The following NFIX variants were observed in gnomAD, a reference collection of about 807,000 sequenced individuals.
The protein encoded by NFIX is nuclear factor 1 X-type.
Under a neutral mutation model 53.3 loss-of-function variants are expected in NFIX, and 2 were observed. The observed-to-expected ratio is 0.04, with a 90% CI of 0.02 to 0.12. The LOEUF (loss-of-function observed/expected upper bound fraction) is 0.12. Ranked by LOEUF, NFIX falls within the 10% of genes least tolerant of loss-of-function variation. The pLI, the probability that NFIX is intolerant of heterozygous loss-of-function variation, is 1.00. For missense variants in NFIX, 310 were observed against 674.5 expected (o/e 0.46, Z 5.99); for synonymous variants, 244 against 289.0 (o/e 0.84, Z 1.58).
intron 2 of NFIX, among the ~76,000 whole-genome samples, chr19:13,047,778 G>A (rs765618762): frequency 1.3e-5 from 2 of 152,122 alleles, no homozygotes; most frequent in Non-Finnish European, 2.9e-5. Flanking sequence ...CTCTCTCCTG[G>A]CTTTCCATCT....
At position 13,079,959 on chromosome 19, in the gene NFIX, C is replaced by T. The variant is rs369200173; in HGVS notation, c.1078+1224C>T. On this transcript the variant is annotated intron_variant, in intron 7 of 10. Transcript: ENST00000592199. ...GCCTAGGTGGCGGTGGCTGGGTGCA[C>T]ACCAGCTCGCACTCAGGAGATGTGT... Among the ~76,000 whole-genome samples the T allele has an allele frequency of 3.8e-3, 575 of 152,326 alleles. 1 individual carries two copies. The highest frequency in any genetic ancestry group is 0.013 in the African/African-American group (548 of 41,578).
chr19:13,063,654 C>T (rs1003082027), intron 2 of NFIX, among the ~76,000 whole-genome samples: 1 of 152,122 alleles, frequency 6.6e-6, no homozygotes, highest in Admixed American at 6.5e-5. Context: ...CTCTCTCTCC[C>T]TTTCTCTCTA....
intron 1 of NFIX, among the ~76,000 whole-genome samples, chr19:13,000,225 A>C (rs1486505888): frequency 6.6e-6 from 1 of 152,034 alleles, no homozygotes; most frequent in African/African-American, 2.4e-5. Context: ...ATGGGCAAAA[A>C]CCAGTGTCTA....
rs1466895093 is a variant in NFIX, at chr19:13,067,846, C to A, written c.560-5201C>A. On this transcript the variant is annotated intron_variant, in intron 2 of 10. Coordinates refer to ENST00000592199, the MANE Select transcript of NFIX (RefSeq NM_001365902.3). The surrounding 1 kb of genome is among the most constrained non-coding windows in gnomAD (Gnocchi z 4.2). ...TGCATCCGGGCACGGTGGCTCACGCCTGTAATCCCAGCACTTTGGGAGGCT... is the reference window on the plus strand; with the variant it reads ...TGCATCCGGGCACGGTGGCTCACGCATGTAATCCCAGCACTTTGGGAGGCT... 3.3e-5 allele frequency among the ~76,000 whole-genome samples: 5 copies of A among 152,100 alleles called. No individual in the cohort carries two copies. The highest frequency in any genetic ancestry group is 1.2e-4 in the African/African-American group (5 of 41,394).
In NFIX at chr19:13,052,214, A is replaced by C. The variant is rs1290580190; in HGVS notation, c.560-20833A>C. On this transcript the variant is annotated intron_variant, in intron 2 of 10. Coordinates refer to ENST00000592199, the MANE Select transcript of NFIX (RefSeq NM_001365902.3). The surrounding 1 kb of genome is among the most constrained non-coding windows in gnomAD (Gnocchi z 5.2). ...GCAGGGCTCGTGAATCTGCATTTCCACCTAGTACCCAGGTGCTGTTGGTCC... is the reference window on the plus strand; with the variant it reads ...GCAGGGCTCGTGAATCTGCATTTCCCCCTAGTACCCAGGTGCTGTTGGTCC... Among the ~76,000 whole-genome samples the C allele has an allele frequency of 6.6e-6, 1 of 152,002 alleles. No individual in the cohort carries two copies. The highest frequency in any genetic ancestry group is 1.5e-5 in the Non-Finnish European group (1 of 67,970).
intron 2 of NFIX, chr19:13,070,977 T>G (rs926692548): frequency 1.3e-5 from 2 of 152,346 alleles, no homozygotes; most frequent in Non-Finnish European, 2.9e-5. Context: ...ACTTGCCATC[T>G]CCACTTGGTC....
In NFIX at chr19:13,002,123, C is replaced by A. The variant is rs2011738229; in HGVS notation, c.27+6259C>A. ...CAGGCAGGCCCTGGGCCCCACACCC[C>A]TGGGCCACCCGCCATCCCTCCGAGG... is the stretch of plus-strand genomic sequence containing the variant. On this transcript the variant is annotated intron_variant, in intron 1 of 10. Coordinates refer to ENST00000592199, the MANE Select transcript of NFIX (RefSeq NM_001365902.3). The surrounding 1 kb of genome is among the most constrained non-coding windows in gnomAD (Gnocchi z 6.1). Among the ~76,000 whole-genome samples, 1 of 152,096 alleles carries A rather than the reference C, an allele frequency of 6.6e-6. No individual in the cohort carries two copies. Among genetic ancestry groups the A allele is most frequent in the South Asian group, 2.1e-4 (1 of 4,826 alleles).
intron 5 of NFIX, among the ~76,000 whole-genome samples, chr19:13,075,022 A>G (rs1357566930): frequency 1.4e-5 from 2 of 142,918 alleles, no homozygotes; most frequent in Admixed American, 7.2e-5. Context: ...GTGAGCTGAG[A>G]TCACGCCACT....
In NFIX at chr19:13,027,625, C is replaced by T. The variant is rs192751783; in HGVS notation, c.559+2073C>T. The stretch of plus-strand genomic sequence containing the variant: ...GGATCCTTGTAGCTGAGTTGTTTCC[C>T]TGGCCTCTTTTATTTTAGGCCGAAT... On this transcript the variant is annotated intron_variant, in intron 2 of 10. Coordinates refer to ENST00000592199, the MANE Select transcript of NFIX (RefSeq NM_001365902.3). The surrounding 1 kb of genome is among the most constrained non-coding windows in gnomAD (Gnocchi z 4.3). 2.0e-5 allele frequency among the ~76,000 whole-genome samples: 3 copies of T among 152,308 alleles called. No individual in the cohort carries two copies. The highest frequency in any genetic ancestry group is 7.2e-5 in the African/African-American group (3 of 41,556).
intron 1 of NFIX, among the ~76,000 whole-genome samples, chr19:13,020,231 T>C (rs2012896141): frequency 6.6e-6 from 1 of 152,178 alleles, no homozygotes; most frequent in African/African-American, 2.4e-5. Flanking sequence ...CTCCACTCTT[T>C]AACAAAAGGG....
rs1368251589 is a variant in NFIX, at chr19:13,025,413, C to A, written c.420C>A (p.Ile140=). The part of the protein sequence containing the change: ...DLVMVILFKG[I]PLESTDGERL... ...TCATGGTGATTTTGTTTAAGGGGATCCCCCTGGAAAGTACTGATGGGGAGC... is the reference window on the plus strand; with the variant it reads ...TCATGGTGATTTTGTTTAAGGGGATACCCCTGGAAAGTACTGATGGGGAGC... The change falls in exon 2 of 11, where the codon ATC becomes ATA. Residue 140 remains isoleucine, a synonymous_variant. Coordinates refer to ENST00000592199, the MANE Select transcript of NFIX (RefSeq NM_001365902.3). This position sits in a 1 kb window ranked among gnomAD's most constrained non-coding sequence, Gnocchi z 7.5. 6.2e-7 allele frequency: 1 copy of A among 1,614,042 alleles called. No individual in the cohort carries two copies. Among genetic ancestry groups the A allele is most frequent in the South Asian group, 1.1e-5 (1 of 91,070 alleles).
chr19:13,021,418 G>A lies in NFIX; in HGVS notation c.28-3603G>A, dbSNP rs2012949348. 1.3e-5 allele frequency among the ~76,000 whole-genome samples: 2 copies of A among 152,114 alleles called. No homozygotes were observed. Among genetic ancestry groups the A allele is most frequent in the Admixed American group, 6.5e-5 (1 of 15,282 alleles). ...TTGTCAGGGTTCAGCGCCAGCCCAG[G>A]GCTGGATGTTTTATTTTGGCATGCC... On this transcript the variant is annotated intron_variant, in intron 1 of 10. Coordinates refer to ENST00000592199, the MANE Select transcript of NFIX (RefSeq NM_001365902.3). This position sits in a 1 kb window ranked among gnomAD's most constrained non-coding sequence, Gnocchi z 4.2.
At chr19:13,092,523 G>C (rs779797273) in intron 10 of NFIX, among the ~76,000 whole-genome samples, 1 of 152,252 alleles carries the variant, frequency 6.6e-6, no homozygotes, top group Non-Finnish European at 1.5e-5. Flanking sequence ...GCCAGTGTGA[G>C]GCCCTGGCAT....
At position 13,011,657 on chromosome 19, in the gene NFIX, G is replaced by T. The variant is rs900456299; in HGVS notation, c.28-13364G>T. Among the ~76,000 whole-genome samples the T allele has an allele frequency of 6.6e-5, 10 of 152,180 alleles. No homozygotes were observed. The highest frequency in any genetic ancestry group is 1.5e-4 in the Non-Finnish European group (10 of 68,020). ...CAGCGTCTCCTCCGGGTCCCCGGAA[G>T]AGAGAAGCTGGGCTGCACCCCATGT... On this transcript the variant is annotated intron_variant, in intron 1 of 10. Coordinates refer to ENST00000592199, the MANE Select transcript of NFIX (RefSeq NM_001365902.3). This position sits in a 1 kb window ranked among gnomAD's most constrained non-coding sequence, Gnocchi z 6.5.
At position 13,040,472 on chromosome 19, in the gene NFIX, A is replaced by C. The variant is rs2014539807; in HGVS notation, c.559+14920A>C. 6.6e-6 allele frequency among the ~76,000 whole-genome samples: 1 copy of C among 152,232 alleles called. No homozygotes were observed. The highest frequency in any genetic ancestry group is 2.4e-5 in the African/African-American group (1 of 41,472). On this transcript the variant is annotated intron_variant, in intron 2 of 10. Transcript: ENST00000592199. The surrounding 1 kb of genome is among the most constrained non-coding windows in gnomAD (Gnocchi z 4.2). ...TGGATGCCCTGCGGCAGGGATTGGCAGGGATCAGTCCTGGGCCCACTGGGA... is the reference window on the plus strand; with the variant it reads ...TGGATGCCCTGCGGCAGGGATTGGCCGGGATCAGTCCTGGGCCCACTGGGA...
intron 1 of NFIX, chr19:13,024,628 T>C: frequency 6.5e-7 from 1 of 1,536,236 alleles, no homozygotes; most frequent in East Asian, 2.4e-5. Flanking sequence ...ACGGCTGCGA[T>C]AGAACATGGA....
rs1202286854 is a variant in NFIX, at chr19:13,036,599, GC to G, written c.559+11050del. 6.6e-6 allele frequency among the ~76,000 whole-genome samples: 1 copy of G among 152,184 alleles called. No individual in the cohort carries two copies. Among genetic ancestry groups the G allele is most frequent in the African/African-American group, 2.4e-5 (1 of 41,438 alleles). On this transcript the variant is annotated intron_variant, in intron 2 of 10. Transcript: ENST00000592199. The surrounding 1 kb of genome is among the most constrained non-coding windows in gnomAD (Gnocchi z 4.7). ...ACCTGCAGGAGGCCAGCCGAGTGCA[GC>G]CCTTGGGGAGTGTGTCCTTATTATG... is the stretch of plus-strand genomic sequence containing the variant.
At chr19:13,071,497 C>T (rs375345045) in intron 2 of NFIX, 3 of 152,256 alleles carry the variant, frequency 2.0e-5, no homozygotes, top group African/African-American at 7.2e-5. Flanking sequence ...TTGCCAAACA[C>T]ACCACCAGGG....
At chr19:13,041,473 A>G (rs1412450289) in intron 2 of NFIX, among the ~76,000 whole-genome samples, 2 of 152,156 alleles carry the variant, frequency 1.3e-5, no homozygotes, top group Admixed American at 6.5e-5. Context: ...ACTGGAATTT[A>G]TAGTATAGAC....
Sources: gnomAD v4.1 joint callset for allele counts (sites outside exome capture counted in the v4.1 genomes callset) on GRCh38, gnomAD v4.1.1 for gene constraint, Gnocchi (gnomAD v3.1) non-coding constraint, MANE v1.5 for transcripts, NCBI Gene and HGNC (gene_info 2026-07-23, HGNC 2026-07-21) for gene names.